The following MAGI2 variants were observed in gnomAD, a reference collection of about 807,000 sequenced individuals.
MAGI2 encodes the protein membrane associated guanylate kinase, WW and PDZ domain containing 2.
A neutral mutation model predicts 133.3 loss-of-function variants in MAGI2; 35 were observed. The ratio of observed to expected loss-of-function variants is 0.26; its 90% CI spans 0.20 to 0.35. The LOEUF (loss-of-function observed/expected upper bound fraction) is 0.35, where lower values mean the gene tolerates loss of function less well. MAGI2 is among the 10% of genes least tolerant of loss of function. The probability of loss-of-function intolerance (pLI) is 1.00; values close to 1 mark genes in which losing one functional copy is unlikely to be tolerated. For missense variants in MAGI2, 1,636 were observed against 1,863.4 expected (o/e 0.88, Z 2.25); for synonymous variants, 729 against 710.6 (o/e 1.03, Z -0.41).
chr7:79,368,847 CAAAAAAAAAAAAAAAAA>C (rs71095400), intron 1 of MAGI2, among the ~76,000 whole-genome samples: 2 of 75,330 alleles, frequency 2.7e-5, no homozygotes, highest in African/African-American at 4.1e-5. Flanking sequence ...GACTCCGTCT[CAAAAAAAAAAAAAAAAA>C]AAAAAAAAAA....
At position 78,018,484 on chromosome 7, in the gene MAGI2, TTCAA is replaced by T. The variant is rs1352280449; in HGVS notation, c.*827_*830del. 6.6e-6 allele frequency: 1 copy of T among 152,244 alleles called. No homozygotes were observed. The highest frequency in any genetic ancestry group is 1.5e-5 in the Non-Finnish European group (1 of 68,040). The allele number at this position is 152,244 out of a possible 1,614,324, so 9.4% of individuals were successfully genotyped here. A position where few individuals can be genotyped will look rare whatever the true frequency, so the allele number is the denominator to read the frequency against. On this transcript the variant is annotated 3_prime_UTR_variant, in exon 22 of 22. Transcript: ENST00000354212. The stretch of plus-strand genomic sequence containing the variant: ...ATCTTGATTAAACAAATTGTGGTCC[TTCAA>T]TTATAAAATTCATATTTTAGAGAAA...
intron 2 of MAGI2, among the ~76,000 whole-genome samples, chr7:78,967,930 A>C (rs2115914134): frequency 6.6e-6 from 1 of 152,210 alleles, no homozygotes; most frequent in East Asian, 1.9e-4. Flanking sequence ...TCCTGGGTTC[A>C]AGTGATTCTC....
At chr7:78,949,099 T>G (rs1801665284) in intron 2 of MAGI2, among the ~76,000 whole-genome samples, 3 of 152,100 alleles carry the variant, frequency 2.0e-5, no homozygotes, top group South Asian at 4.1e-4. Flanking sequence ...AAATAAAGCC[T>G]TAGTTTTATT....
At chr7:78,453,377 A>T (rs1788937785) in intron 6 of MAGI2, among the ~76,000 whole-genome samples, 1 of 152,222 alleles carries the variant, frequency 6.6e-6, no homozygotes, top group South Asian at 2.1e-4. Context: ...ACAATTCTGT[A>T]TAAAGGAATC....
Position 79,282,500 on chromosome 7 carries a change from T to G in MAGI2, c.301+170520A>C, listed in dbSNP as rs1331041690. Reference sequence around the variant, plus strand: ...AAAAAAGTTAGAGAGTTAATGAAGCTTAAGAACATATCTGCAGGTGATTTG... The same window carrying G: ...AAAAAAGTTAGAGAGTTAATGAAGCGTAAGAACATATCTGCAGGTGATTTG... On this transcript the variant is annotated intron_variant, in intron 1 of 21. Coordinates refer to ENST00000354212, the MANE Select transcript of MAGI2 (RefSeq NM_012301.4). Among the ~76,000 whole-genome samples, 3 of 152,134 alleles carry G rather than the reference T, an allele frequency of 2.0e-5. No homozygotes were observed. In the East Asian group the frequency reaches 5.8e-4, roughly 29 times the overall value.
intron 1 of MAGI2, among the ~76,000 whole-genome samples, chr7:79,165,938 T>C (rs1299351710): frequency 6.6e-6 from 1 of 152,096 alleles, no homozygotes; most frequent in Non-Finnish European, 1.5e-5. Context: ...ACAAACTCAT[T>C]GTTTGACCAA....
At chr7:79,181,076 G>A (rs539294046) in intron 1 of MAGI2, among the ~76,000 whole-genome samples, 11 of 151,920 alleles carry the variant, frequency 7.2e-5, no homozygotes, top group Admixed American at 1.3e-4. Flanking sequence ...GTCTGGCATT[G>A]AGTATCTGCA....
At chr7:78,401,983 A>T (rs920780063) in intron 6 of MAGI2, among the ~76,000 whole-genome samples, 1 of 151,994 alleles carries the variant, frequency 6.6e-6, no homozygotes, top group East Asian at 1.9e-4. Flanking sequence ...GTCCTATTCA[A>T]CCTCTAGAGT....
intron 9 of MAGI2, among the ~76,000 whole-genome samples, chr7:78,278,875 G>C (rs1795292275): frequency 6.6e-6 from 1 of 152,112 alleles, no homozygotes; most frequent in African/African-American, 2.4e-5. Flanking sequence ...TGTTTCTCTG[G>C]AGAGCACTAG....
chr7:78,450,405 C>T (rs1047555993), intron 6 of MAGI2, among the ~76,000 whole-genome samples: 4 of 152,046 alleles, frequency 2.6e-5, no homozygotes, highest in African/African-American at 7.2e-5. Flanking sequence ...TTATTCATAT[C>T]TTGAAATTGC....
intron 2 of MAGI2, among the ~76,000 whole-genome samples, chr7:78,886,605 AC>A (rs1796291551): frequency 6.6e-6 from 1 of 152,260 alleles, no homozygotes; most frequent in East Asian, 1.9e-4. Context: ...TCTGGAGGCA[AC>A]ATTTGGAGTA....
At chr7:78,829,657 C>T (rs751921634) in intron 2 of MAGI2, among the ~76,000 whole-genome samples, 10 of 151,994 alleles carry the variant, frequency 6.6e-5, no homozygotes, top group East Asian at 1.9e-4. Flanking sequence ...AGAAAGACAT[C>T]GGTCTCTTGT....
chr7:78,832,217 G>C (rs1451038498), intron 2 of MAGI2, among the ~76,000 whole-genome samples: 1 of 151,188 alleles, frequency 6.6e-6, no homozygotes, highest in Non-Finnish European at 1.5e-5. Context: ...GAAATTCTAA[G>C]AATTGGTAGT....
rs563909054 is a variant in MAGI2, at chr7:78,715,761, A to T, written c.419-88522T>A. On this transcript the variant is annotated intron_variant, in intron 2 of 21. Coordinates refer to ENST00000354212, the MANE Select transcript of MAGI2 (RefSeq NM_012301.4). The stretch of plus-strand genomic sequence containing the variant: ...AACATATTGTTTTAGATAATAAGAT[A>T]GTTTAAAAATTCTCAAATAACTGGC... Among the ~76,000 whole-genome samples, 225 of 139,108 alleles carry T rather than the reference A, an allele frequency of 1.6e-3. 1 individual carries two copies. The Middle Eastern group carries it at 0.034, about 21-fold the overall frequency. 91.3% of individuals were successfully genotyped at this position (139,108 alleles called of 152,430 possible). A position where few individuals can be genotyped will look rare whatever the true frequency, so the allele number is the denominator to read the frequency against.
In MAGI2 at chr7:78,957,438, G is replaced by A. The variant is rs1455794024; in HGVS notation, c.418+49652C>T. On this transcript the variant is annotated intron_variant, in intron 2 of 21. Transcript: ENST00000354212. Reference sequence around the variant, plus strand: ...TAATTTGCCTCAATTACTGATAATTGTAATTTTCTAATGTAAAACTAATAA... The same window carrying A: ...TAATTTGCCTCAATTACTGATAATTATAATTTTCTAATGTAAAACTAATAA... 2.6e-5 allele frequency among the ~76,000 whole-genome samples: 4 copies of A among 151,780 alleles called. 1 individual carries two copies. Among genetic ancestry groups the A allele is most frequent in the Admixed American group, 2.6e-4 (4 of 15,216 alleles).
chr7:78,418,814 C>T (rs1798533686), intron 6 of MAGI2, among the ~76,000 whole-genome samples: 1 of 152,058 alleles, frequency 6.6e-6, no homozygotes, highest in South Asian at 2.1e-4. Flanking sequence ...ATGTGCTTAA[C>T]ATAAAGCCTC....
intron 1 of MAGI2, among the ~76,000 whole-genome samples, chr7:79,087,909 T>C (rs927934449): frequency 2.6e-5 from 4 of 152,102 alleles, no homozygotes; most frequent in Admixed American, 1.3e-4. Context: ...ACTTGTAGTA[T>C]AGTTTGAAGT....
intron 1 of MAGI2, among the ~76,000 whole-genome samples, chr7:79,345,300 T>C (rs1841228250): frequency 6.6e-6 from 1 of 152,054 alleles, no homozygotes; most frequent in South Asian, 2.1e-4. Context: ...GATGCTCCCA[T>C]AAAGCTAAGG....
chr7:78,573,223 T>A (rs1223015658), intron 3 of MAGI2, among the ~76,000 whole-genome samples: 1 of 70,048 alleles, frequency 1.4e-5, no homozygotes, highest in African/African-American at 7.4e-5. Flanking sequence ...TATAAATATA[T>A]ATAAATATAA....
Sources: allele counts gnomAD v4.1 joint callset (sites outside exome capture counted in the v4.1 genomes callset), GRCh38; gene constraint gnomAD v4.1.1; transcripts MANE v1.5; gene names NCBI Gene and HGNC (gene_info 2026-07-23, HGNC 2026-07-21).